Variants in KDM4A observed in about 807,000 individuals in gnomAD.
The protein encoded by KDM4A is lysine demethylase 4A, also known as lysine-specific demethylase 4A.
KDM4A carries 23 observed loss-of-function variants against 127.1 expected under a neutral mutation model. That is an observed-to-expected ratio of 0.18 (90% CI 0.13 to 0.26). KDM4A has a LOEUF of 0.26. Ranked by LOEUF, KDM4A falls within the 10% of genes least tolerant of loss-of-function variation. KDM4A has a pLI of 1.00. For missense variants in KDM4A, 890 were observed against 1,329.1 expected, an observed-to-expected ratio of 0.67 and a Z score of 5.14; for synonymous variants, 443 against 466.5, an observed-to-expected ratio of 0.95 and a Z score of 0.65.
In KDM4A at chr1:43,703,752, C is replaced by G; in HGVS notation, c.2961+16C>G. 1 of 1,613,916 alleles carries G rather than the reference C, an allele frequency of 6.2e-7. No homozygotes were observed. ...AATGTACCAGGTATCCAAAGTTCTA[C>G]CTTTCTAGGGAGTGGGGGGTGCTTG... On this transcript the variant is annotated intron_variant, in intron 20 of 21. Transcript: ENST00000372396.
In KDM4A at chr1:43,694,656, G is replaced by A; in HGVS notation, c.2485-53G>A. 1 of 1,504,356 alleles carries A rather than the reference G, an allele frequency of 6.6e-7. No individual in the cohort carries two copies. The highest frequency in any genetic ancestry group is 9.1e-7 in the Non-Finnish European group (1 of 1,094,386). 93.2% of individuals were successfully genotyped at this position (1,504,356 alleles called of 1,614,324 possible). On this transcript the variant is annotated intron_variant, in intron 17 of 21. Coordinates refer to ENST00000372396, the MANE Select transcript of KDM4A (RefSeq NM_014663.3). This position sits in a 1 kb window ranked among gnomAD's most constrained non-coding sequence, Gnocchi z 5.2. ...TGCATTTGGGAGGGGAACAACAGAG[G>A]AAGCTGCAGTGCCAGTTCCTGCAAT...
chr1:43,703,958 CAT>C (rs1395724951), intron 20 of KDM4A, 60 bp from the exon 21 acceptor site: 1 of 1,446,944 alleles, frequency 6.9e-7, no homozygotes, highest in Admixed American at 1.7e-5. Context: ...TGCCACTGTG[CAT>C]GGTGGACCAG....
At chr1:43,666,052 CTT>C (rs1476732800) in intron 6 of KDM4A, among the ~76,000 whole-genome samples, 2 of 152,108 alleles carry the variant, frequency 1.3e-5, no homozygotes, top group African/African-American at 2.4e-5. Context: ...GAACTTTATG[CTT>C]TGTTTCTTTT....
intron 13 of KDM4A, chr1:43,690,600 C>T: frequency 1.8e-6 from 1 of 556,952 alleles, no homozygotes; most frequent in Non-Finnish European, 3.2e-6. Context: ...ATCCCAGTTG[C>T]CTCTTACCTT....
chr1:43,704,011 C>T lies in KDM4A; in HGVS notation c.2962-9C>T. The T allele has an allele frequency of 6.2e-7, 1 of 1,613,270 alleles. No homozygotes were observed. Among genetic ancestry groups the T allele is most frequent in the Non-Finnish European group, 8.5e-7 (1 of 1,179,324 alleles). On this transcript the variant is annotated splice_polypyrimidine_tract_variant and intron_variant, in intron 20 of 21. Transcript: ENST00000372396. ...TATCCTAGCCAAAAGGCCTTTGTTT[C>T]CTTGGTAGGTGGAGTTTGAGGATGG...
chr1:43,690,885 C>T lies in KDM4A; in HGVS notation c.2078C>T (p.Ser693Leu), dbSNP rs1661093330. Residue 693 changes from serine (S) to leucine (L), a missense_variant, in exon 14 of 22, where the codon TCA becomes TTA. Around this residue, in one of 7 missense-constraint regions of KDM4A, gnomAD observed 389 missense variants for 485.9 expected, o/e 0.80. Coordinates refer to ENST00000372396, the MANE Select transcript of KDM4A (RefSeq NM_014663.3). ...GGFNQNCGNASDLAPQKQRTK... is the reference protein window; with the variant it reads ...GGFNQNCGNALDLAPQKQRTK... ...TTTAATCAGAACTGTGGAAATGCTT[C>T]AGATTTAGCCCCCCAGAAGCAGAGG... 6.2e-7 allele frequency: 1 copy of T among 1,614,102 alleles called. No individual in the cohort carries two copies. The highest frequency in any genetic ancestry group is 1.3e-5 in the African/African-American group (1 of 74,942).
chr1:43,703,216 A>G (rs1198436470), intron 19 of KDM4A, among the ~76,000 whole-genome samples: 3 of 151,928 alleles, frequency 2.0e-5, no homozygotes, highest in Admixed American at 6.6e-5. Flanking sequence ...TGCTGCGATT[A>G]CAGGCATGAG....
intron 21 of KDM4A, 57 bp from the exon 22 acceptor site, chr1:43,704,173 C>A: frequency 6.2e-7 from 1 of 1,612,884 alleles, no homozygotes; most frequent in Non-Finnish European, 8.5e-7. Context: ...GTCAAGGATG[C>A]ATCCCTTTGT....
At chr1:43,700,434 G>A (rs1661359611) in intron 19 of KDM4A, among the ~76,000 whole-genome samples, 1 of 151,872 alleles carries the variant, frequency 6.6e-6, no homozygotes, top group Admixed American at 6.6e-5. Flanking sequence ...GCCAAGGGAG[G>A]TATTTTAATA....
chr1:43,673,567 C>T (rs924275927), intron 11 of KDM4A, among the ~76,000 whole-genome samples: 5 of 151,990 alleles, frequency 3.3e-5, no homozygotes, highest in African/African-American at 4.8e-5. Context: ...TCTCAGGGTA[C>T]GGTTTTGGTA....
intron 4 of KDM4A, among the ~76,000 whole-genome samples, chr1:43,661,608 CAAAAAAAAAAAAA>C (rs34131801): frequency 9.8e-5 from 4 of 40,852 alleles, no homozygotes; most frequent in South Asian, 1.9e-3. Flanking sequence ...GACTCTGTCT[CAAAAAAAAAAAAA>C]AAAAAAAAAA....
intron 12 of KDM4A, among the ~76,000 whole-genome samples, chr1:43,687,031 T>TGTGA (rs1194813012): frequency 6.6e-6 from 1 of 152,152 alleles, no homozygotes; most frequent in Admixed American, 6.5e-5. Context: ...TAGTTGTGAG[T>TGTGA]GTGAGCCTGC....
At position 43,669,238 on chromosome 1, in the gene KDM4A, C is replaced by T. The variant is rs185788087; in HGVS notation, c.1302C>T (p.Leu434=). The T allele has an allele frequency of 3.0e-5, 49 of 1,614,180 alleles. No homozygotes were observed. In the Admixed American group the frequency reaches 3.3e-4, roughly 11 times the overall value. The change falls in exon 10 of 22, where the codon CTC becomes CTT. Residue 434 remains leucine (L), a synonymous_variant. Transcript: ENST00000372396. ...QYEMTECPAA[L]APVRPTHSSV... Reference sequence around the variant, plus strand: ...AGATGACGGAGTGCCCGGCAGCCCTCGCCCCTGTGAGGCCCACCCATAGCT... The same window carrying T: ...AGATGACGGAGTGCCCGGCAGCCCTTGCCCCTGTGAGGCCCACCCATAGCT...
In KDM4A at chr1:43,705,086, G is replaced by T. The variant is rs1236083577; in HGVS notation, c.*716G>T. 6.6e-6 allele frequency: 1 copy of T among 152,508 alleles called. No homozygotes were observed. The highest frequency in any genetic ancestry group is 1.5e-5 in the Non-Finnish European group (1 of 68,086). The allele number at this position is 152,508 out of a possible 1,614,324, so 9.4% of individuals were successfully genotyped here. A position where few individuals can be genotyped will look rare whatever the true frequency, so the allele number is the denominator to read the frequency against. On this transcript the variant is annotated 3_prime_UTR_variant, in exon 22 of 22. Transcript: ENST00000372396. ...TGGGTGTGTGCCCACAACACTCTAG[G>T]TGCAGAGCCCCTGTGGCAAAGTATT...
intron 2 of KDM4A, among the ~76,000 whole-genome samples, chr1:43,655,286 C>A (rs1660213191): frequency 6.6e-6 from 1 of 151,926 alleles, no homozygotes; most frequent in Non-Finnish European, 1.5e-5. Flanking sequence ...TTAAAGAGAG[C>A]CCTGGGCTAG....
Position 43,705,358 on chromosome 1 carries a change from T to C in KDM4A, c.*988T>C, listed in dbSNP as rs1661527574. 6.6e-6 allele frequency: 1 copy of C among 152,450 alleles called. No homozygotes were observed. The highest frequency in any genetic ancestry group is 2.1e-4 in the South Asian group (1 of 4,816). 9.4% of individuals were successfully genotyped at this position (152,450 alleles called of 1,614,324 possible). On this transcript the variant is annotated 3_prime_UTR_variant, in exon 22 of 22. Coordinates refer to ENST00000372396, the MANE Select transcript of KDM4A (RefSeq NM_014663.3). ...TTTGCTCCTCAAGAATTTGTTTGCCTGGGCCCAGGATTGGAGGGCTTCACA... is the reference window on the plus strand; with the variant it reads ...TTTGCTCCTCAAGAATTTGTTTGCCCGGGCCCAGGATTGGAGGGCTTCACA...
At chr1:43,667,660 G>T in intron 8 of KDM4A, 112 bp from the exon 9 acceptor site, 4 of 1,411,122 alleles carry the variant, frequency 2.8e-6, no homozygotes, top group Non-Finnish European at 3.9e-6. Flanking sequence ...AAACAATCTG[G>T]TTATAAACCA....
At chr1:43,656,784 G>T (rs1486303713) in intron 3 of KDM4A, among the ~76,000 whole-genome samples, 1 of 150,650 alleles carries the variant, frequency 6.6e-6, no homozygotes, top group African/African-American at 2.4e-5. Context: ...GGAGTGCAAT[G>T]GTGCAGTCTC....
chr1:43,657,079 T>C (rs1395402440), intron 3 of KDM4A, among the ~76,000 whole-genome samples: 1 of 151,852 alleles, frequency 6.6e-6, no homozygotes, highest in East Asian at 1.9e-4. Context: ...AGCTAATATT[T>C]TTTATTATTT....
Sources: gnomAD v4.1 joint callset for allele counts (sites outside exome capture counted in the v4.1 genomes callset) on GRCh38, gnomAD v4.1.1 for gene constraint, gnomAD v4.1.1 regional missense constraint, Gnocchi (gnomAD v3.1) non-coding constraint, MANE v1.5 for transcripts, NCBI Gene and HGNC (gene_info 2026-07-23, HGNC 2026-07-21) for gene names.